Variants in RGS7 observed in about 807,000 individuals in gnomAD.
RGS7 encodes regulator of G-protein signaling 7.
RGS7 carries 27 observed loss-of-function variants against 81.1 expected under a neutral mutation model. The observed-to-expected ratio is 0.33, with a 90% confidence interval of 0.25 to 0.46. RGS7 has a LOEUF of 0.46. RGS7 is among the 20% of genes least tolerant of loss of function. RGS7 has a pLI of 1.00. For missense variants in RGS7, 396 were observed against 607.4 expected (o/e 0.65, Z 3.66); for synonymous variants, 208 against 207.7 (o/e 1.00, Z -0.01).
At chr1:240,848,018 A>G (rs371400941) in intron 9 of RGS7, among the ~76,000 whole-genome samples, 4 of 152,238 alleles carry the variant, frequency 2.6e-5, no homozygotes, top group African/African-American at 9.6e-5. Context: ...TTCTACTTGT[A>G]AAAACAAATA....
rs58304954 is a variant in RGS7 at position 241,148,143 on chromosome 1, C to T, written c.79-49381G>A. On this transcript the variant is annotated intron_variant, in intron 2 of 18. Transcript: ENST00000440928. ...TTGGCTCATTGCAGTATCTGCCTCC[C>T]GGATACAAGTCATTCTCCTGCCTCA... 3.1e-3 allele frequency among the ~76,000 whole-genome samples: 473 copies of T among 150,756 alleles called. 12 individuals carry two copies. In the East Asian group the frequency reaches 0.059, roughly 19 times the overall value.
intron 6 of RGS7, among the ~76,000 whole-genome samples, chr1:240,892,054 G>A (rs1246003504): frequency 6.6e-6 from 1 of 152,140 alleles, no homozygotes; most frequent in Admixed American, 6.5e-5. Context: ...TGCCCCAGGG[G>A]TGGTAGTTTA....
intron 2 of RGS7, among the ~76,000 whole-genome samples, chr1:241,340,679 TA>T (rs2082491531): frequency 6.6e-6 from 1 of 151,140 alleles, no homozygotes; most frequent in Non-Finnish European, 1.5e-5. Flanking sequence ...CCCTGAAAAC[TA>T]AGGATGGAAA....
intron 3 of RGS7, among the ~76,000 whole-genome samples, chr1:241,072,598 C>T (rs978233644): frequency 9.9e-5 from 15 of 152,254 alleles, no homozygotes; most frequent in African/African-American, 3.1e-4. Context: ...CCCTGTGATG[C>T]GTGTTTTCCG....
Position 240,909,760 on chromosome 1 carries a change from C to G in RGS7, c.385+20957G>C, listed in dbSNP as rs78425436. On this transcript the variant is annotated intron_variant, in intron 6 of 18. Coordinates refer to ENST00000440928, the MANE Select transcript of RGS7 (RefSeq NM_001364886.1). ...TCAAGTATTTCTCTGGCTCTTGACA[C>G]AGTTGACTTAACCTTTTGCTGTCTA... Among the ~76,000 whole-genome samples, 581 of 152,302 alleles carry G rather than the reference C, an allele frequency of 3.8e-3. 3 individuals are homozygous for G. The highest frequency in any genetic ancestry group is 0.01 in the Middle Eastern group (3 of 294).
intron 9 of RGS7, among the ~76,000 whole-genome samples, chr1:240,860,240 CT>C (rs1661958682): frequency 6.6e-6 from 1 of 152,040 alleles, no homozygotes. Flanking sequence ...TCAGTTAAAC[CT>C]TGTTCTTAGT....
At chr1:240,953,795 A>G (rs984903700) in intron 4 of RGS7, among the ~76,000 whole-genome samples, 4 of 152,050 alleles carry the variant, frequency 2.6e-5, no homozygotes, top group Admixed American at 2.6e-4. Context: ...ACAACAGAGA[A>G]AAATCAACAA....
At chr1:241,310,407 GTC>G (rs2080444096) in intron 2 of RGS7, among the ~76,000 whole-genome samples, 1 of 150,484 alleles carries the variant, frequency 6.6e-6, no homozygotes, top group Admixed American at 6.6e-5. Flanking sequence ...GTGTTTGTGT[GTC>G]TGTGTGTGTG....
At chr1:241,241,766 C>T (rs1034650008) in intron 2 of RGS7, among the ~76,000 whole-genome samples, 9 of 152,100 alleles carry the variant, frequency 5.9e-5, no homozygotes, top group African/African-American at 2.2e-4. Context: ...ATTAATGGAC[C>T]AGCACTGGCC....
intron 3 of RGS7, among the ~76,000 whole-genome samples, chr1:241,062,902 A>G (rs1015978995): frequency 1.3e-5 from 2 of 152,112 alleles, no homozygotes; most frequent in African/African-American, 4.8e-5. Context: ...TCCTTTCACA[A>G]GTGTATTTGG....
intron 6 of RGS7, among the ~76,000 whole-genome samples, chr1:240,870,672 G>GT (rs1214637375): frequency 6.6e-6 from 1 of 152,152 alleles, no homozygotes; most frequent in Non-Finnish European, 1.5e-5. Context: ...GGTCATCACA[G>GT]TTTTTAGCAT....
intron 2 of RGS7, among the ~76,000 whole-genome samples, chr1:241,260,283 T>G (rs2077266261): frequency 6.6e-6 from 1 of 152,248 alleles, no homozygotes; most frequent in African/African-American, 2.4e-5. Context: ...TAGAGACTGA[T>G]CCTCAATAGT....
chr1:240,904,569 A>C (rs555537570), intron 6 of RGS7, among the ~76,000 whole-genome samples: 2 of 152,310 alleles, frequency 1.3e-5, no homozygotes, highest in East Asian at 3.9e-4. Flanking sequence ...AATTGCCCAG[A>C]GGGATTAATC....
At chr1:240,959,506 C>T (rs1186567639) in intron 4 of RGS7, among the ~76,000 whole-genome samples, 2 of 152,174 alleles carry the variant, frequency 1.3e-5, no homozygotes, top group African/African-American at 4.8e-5. Flanking sequence ...CAATGCATTA[C>T]TCTATACCAT....
chr1:240,905,718 G>A (rs1670710884), intron 6 of RGS7, among the ~76,000 whole-genome samples: 1 of 152,146 alleles, frequency 6.6e-6, no homozygotes, highest in Non-Finnish European at 1.5e-5. Context: ...TGTATTCCTG[G>A]ATAAAGAATT....
intron 6 of RGS7, among the ~76,000 whole-genome samples, chr1:240,887,226 GTTTT>G (rs71297739): frequency 1.3e-5 from 1 of 76,380 alleles, no homozygotes; most frequent in African/African-American, 3.7e-5. Flanking sequence ...GAGTATATAG[GTTTT>G]TTTTTTTTTT....
At chr1:241,115,300 G>A (rs2065811658) in intron 2 of RGS7, among the ~76,000 whole-genome samples, 1 of 152,140 alleles carries the variant, frequency 6.6e-6, no homozygotes, top group Admixed American at 6.5e-5. Context: ...GGTTCATGCT[G>A]AACCTCCGAA....
At chr1:241,053,605 T>C (rs1278769457) in intron 3 of RGS7, among the ~76,000 whole-genome samples, 2 of 152,218 alleles carry the variant, frequency 1.3e-5, no homozygotes, top group Admixed American at 6.5e-5. Flanking sequence ...AGCAATAAGG[T>C]GCTCACTATT....
At chr1:241,277,714 C>G (rs1225792773) in intron 2 of RGS7, among the ~76,000 whole-genome samples, 1 of 152,056 alleles carries the variant, frequency 6.6e-6, no homozygotes, top group Admixed American at 6.6e-5. Context: ...TCACTCGTCT[C>G]TAACCATCAC....
Sources: gnomAD v4.1 joint callset for allele counts (sites outside exome capture counted in the v4.1 genomes callset) on GRCh38, gnomAD v4.1.1 for gene constraint, MANE v1.5 for transcripts, NCBI Gene and HGNC (gene_info 2026-07-23, HGNC 2026-07-21) for gene names.